ADGRL3: variants seen among roughly 807,000 people sequenced by gnomAD.
ADGRL3 encodes adhesion G protein-coupled receptor L3, also known as calcium-independent alpha-latrotoxin receptor 3.
In ADGRL3, 62 loss-of-function variants were observed where a neutral mutation model predicts 153.5. The ratio of observed to expected loss-of-function variants is 0.40; its 90% CI spans 0.33 to 0.50. The LOEUF (loss-of-function observed/expected upper bound fraction) is 0.50. Among genes scored for constraint, ADGRL3 ranks in the 20% least tolerant of loss-of-function variants. The pLI, the probability that ADGRL3 is intolerant of heterozygous loss-of-function variation, is 0.47. For missense variants in ADGRL3, 1,641 were observed against 1,859.4 expected, an observed-to-expected ratio of 0.88 and a Z score of 2.16; for synonymous variants, 710 against 672.5, an observed-to-expected ratio of 1.06 and a Z score of -0.86.
At chr4:61,593,824 C>G (rs1377013627) in intron 5 of ADGRL3, among the ~76,000 whole-genome samples, 1 of 152,002 alleles carries the variant, frequency 6.6e-6, no homozygotes, top group African/African-American at 2.4e-5. Flanking sequence ...CTATAACCTT[C>G]TTGTATTTGA....
chr4:62,053,395 TTTAA>T (rs1252512751), intron 25 of ADGRL3, among the ~76,000 whole-genome samples: 3 of 151,448 alleles, frequency 2.0e-5, no homozygotes, highest in African/African-American at 2.4e-5. Context: ...CATTTAAAAG[TTTAA>T]TTGTTTATGT....
At chr4:61,235,048 G>A (rs1473639813) in intron 1 of ADGRL3, among the ~76,000 whole-genome samples, 4 of 152,096 alleles carry the variant, frequency 2.6e-5, no homozygotes, top group Non-Finnish European at 5.9e-5. Context: ...ATGGAAATGA[G>A]CCTCTTTTCT....
At chr4:61,458,142 T>G (rs935459365) in intron 2 of ADGRL3, among the ~76,000 whole-genome samples, 9 of 151,806 alleles carry the variant, frequency 5.9e-5, no homozygotes, top group African/African-American at 2.2e-4. Flanking sequence ...TAAGGTATTT[T>G]GCCTTATGAT....
chr4:61,217,003 A>AT (rs1176332156), intron 1 of ADGRL3, among the ~76,000 whole-genome samples: 1 of 152,148 alleles, frequency 6.6e-6, no homozygotes, highest in African/African-American at 2.4e-5. Context: ...TTGTTCTGCT[A>AT]TTTTTCTGCA....
At chr4:61,764,104 T>C (rs1446768708) in intron 8 of ADGRL3, among the ~76,000 whole-genome samples, 3 of 152,176 alleles carry the variant, frequency 2.0e-5, no homozygotes, top group Non-Finnish European at 4.4e-5. Context: ...TAAATGTTCA[T>C]TTATCTCTAA....
chr4:61,903,119 T>C (rs2098674022), intron 11 of ADGRL3, among the ~76,000 whole-genome samples: 1 of 152,188 alleles, frequency 6.6e-6, no homozygotes. Context: ...GTATAAAAAA[T>C]GTTTTTTCTT....
chr4:61,296,267 A>T (rs925165129), intron 1 of ADGRL3, among the ~76,000 whole-genome samples: 2 of 152,144 alleles, frequency 1.3e-5, no homozygotes, highest in Non-Finnish European at 2.9e-5. Flanking sequence ...GAAAAATCAG[A>T]ATCAGAACTT....
At chr4:61,665,337 G>A (rs991103805) in intron 5 of ADGRL3, among the ~76,000 whole-genome samples, 4 of 152,128 alleles carry the variant, frequency 2.6e-5, no homozygotes, top group African/African-American at 9.7e-5. Flanking sequence ...GGTGAACCTG[G>A]GAGGCAGAGG....
At chr4:61,885,853 G>A (rs1401548933) in intron 9 of ADGRL3, among the ~76,000 whole-genome samples, 2 of 152,048 alleles carry the variant, frequency 1.3e-5, no homozygotes, top group African/African-American at 4.8e-5. Context: ...AAACTTGTTG[G>A]GAGTACTAAA....
chr4:61,753,665 A>G (rs549247758), intron 8 of ADGRL3, among the ~76,000 whole-genome samples: 3 of 152,364 alleles, frequency 2.0e-5, no homozygotes, highest in African/African-American at 7.2e-5. Flanking sequence ...TTTCAAAGAC[A>G]GAGAACAGGA....
intron 12 of ADGRL3, among the ~76,000 whole-genome samples, chr4:61,911,428 T>A (rs1464998295): frequency 6.6e-6 from 1 of 152,186 alleles, no homozygotes; most frequent in African/African-American, 2.4e-5. Flanking sequence ...GTTTATATAA[T>A]GTGGTTTGTC....
chr4:62,043,687 C>A (rs1224342522), intron 24 of ADGRL3, among the ~76,000 whole-genome samples: 1 of 151,926 alleles, frequency 6.6e-6, no homozygotes, highest in African/African-American at 2.4e-5. Context: ...ATTGTTAATA[C>A]TTTTTTGACC....
intron 4 of ADGRL3, among the ~76,000 whole-genome samples, chr4:61,556,030 A>G (rs2098764629): frequency 6.6e-6 from 1 of 152,138 alleles, no homozygotes; most frequent in Non-Finnish European, 1.5e-5. Flanking sequence ...AGAATGCCTT[A>G]GTCATCTGGG....
At chr4:61,281,155 A>G (rs1484050034) in intron 1 of ADGRL3, among the ~76,000 whole-genome samples, 1 of 150,724 alleles carries the variant, frequency 6.6e-6, no homozygotes, top group African/African-American at 2.4e-5. Context: ...TCAAAGTAAT[A>G]AAACTATTTT....
intron 10 of ADGRL3, among the ~76,000 whole-genome samples, 181 bp downstream of exon 10, chr4:61,893,139 C>T (rs28490292): frequency 1.5e-5 from 2 of 135,186 alleles, no homozygotes; most frequent in Non-Finnish European, 3.1e-5. Flanking sequence ...CTCTTTCTTT[C>T]TTCTTTCTTT....
At chr4:61,441,222 C>G (rs968992757) in intron 2 of ADGRL3, among the ~76,000 whole-genome samples, 1 of 152,110 alleles carries the variant, frequency 6.6e-6, no homozygotes, top group Non-Finnish European at 1.5e-5. Context: ...GGGAATATTT[C>G]TTTCTACTAA....
At chr4:61,757,694 T>C (rs1000376707) in intron 8 of ADGRL3, among the ~76,000 whole-genome samples, 3 of 152,206 alleles carry the variant, frequency 2.0e-5, no homozygotes, top group Non-Finnish European at 4.4e-5. Flanking sequence ...GCTTCTCTAG[T>C]TCTTTTAATT....
At chr4:61,699,257 A>G (rs530823092) in intron 6 of ADGRL3, among the ~76,000 whole-genome samples, 1 of 152,318 alleles carries the variant, frequency 6.6e-6, no homozygotes, top group South Asian at 2.1e-4. Flanking sequence ...TAAATGATAG[A>G]AAAACTGAGG....
chr4:61,664,998 C>T (rs1187278064), intron 5 of ADGRL3, among the ~76,000 whole-genome samples: 2 of 152,178 alleles, frequency 1.3e-5, no homozygotes. Context: ...CATCATTCCC[C>T]TTATGTGATT....
Sources: gnomAD v4.1 joint callset for allele counts (sites outside exome capture counted in the v4.1 genomes callset) on GRCh38, gnomAD v4.1.1 for gene constraint, MANE v1.5 for transcripts, NCBI Gene and HGNC (gene_info 2026-07-23, HGNC 2026-07-21) for gene names.